The following PPP2R2C variants were observed in gnomAD, a reference collection of about 807,000 sequenced individuals.
The protein encoded by PPP2R2C is protein phosphatase 2 regulatory subunit Bgamma.
A neutral mutation model predicts 45.3 loss-of-function variants in PPP2R2C; 10 were observed. The ratio of observed to expected loss-of-function variants is 0.22; its 90% confidence interval spans 0.14 to 0.37. The LOEUF (loss-of-function observed/expected upper bound fraction) is 0.37. Ranked by LOEUF, PPP2R2C falls within the 10% of genes least tolerant of loss-of-function variation. PPP2R2C has a pLI of 1.00. For missense variants in PPP2R2C, 308 were observed against 619.7 expected (o/e 0.50, Z 5.34); for synonymous variants, 257 against 245.4 (o/e 1.05, Z -0.44).
intron 1 of PPP2R2C, among the ~76,000 whole-genome samples, chr4:6,415,124 C>T (rs868027746): frequency 2.6e-5 from 4 of 152,248 alleles, no homozygotes; most frequent in South Asian, 2.1e-4. Flanking sequence ...ACAGTGCATG[C>T]GCCTCGTCCG....
Position 6,383,377 on chromosome 4 carries a change from G to A in PPP2R2C, c.71-2283C>T, listed in dbSNP as rs73798219. ...TACTGTTGTATGCACGGGGTCTCGT[G>A]TTTTTAACTCAGCAAAAGGTACCTC... On this transcript the variant is annotated intron_variant, in intron 1 of 8. Transcript: ENST00000382599. 334 of 1,289,844 alleles carry A rather than the reference G, an allele frequency of 2.6e-4. 1 individual carries two copies. The African/African-American group carries it at 4.4e-3, about 17-fold the overall frequency. The allele number at this position is 1,289,844 out of a possible 1,614,324, so 79.9% of individuals were successfully genotyped here. A position where few individuals can be genotyped will look rare whatever the true frequency, so the allele number is the denominator to read the frequency against.
intron 2 of PPP2R2C, among the ~76,000 whole-genome samples, chr4:6,483,342 A>T (rs1722426578): frequency 6.6e-6 from 1 of 152,128 alleles, no homozygotes; most frequent in Admixed American, 6.5e-5. Flanking sequence ...TATTATAGAG[A>T]TCATATTCCA....
At position 6,515,984 on chromosome 4, in the gene PPP2R2C, C is replaced by T. The variant is rs943568252; in HGVS notation, c.49+19287G>A. On this transcript the variant is annotated intron_variant, in intron 2 of 9. Transcript: ENST00000506140. ...TCTCCTGTGTGTGTCATTGTGTCTC[C>T]TCTCCTCTTATTATAAGGACATCAG... Among the ~76,000 whole-genome samples the T allele has an allele frequency of 7.2e-5, 11 of 152,208 alleles. No homozygotes were observed. The East Asian group carries it at 1.2e-3, about 16-fold the overall frequency.
At chr4:6,375,691 C>T in intron 4 of PPP2R2C, 128 bp downstream of exon 4, 2 of 766,744 alleles carry the variant, frequency 2.6e-6, no homozygotes, top group South Asian at 3.5e-5. Context: ...CCCGTGGCCG[C>T]CCAGCAGCCA....
At chr4:6,407,992 A>C (rs1463677454) in intron 1 of PPP2R2C, among the ~76,000 whole-genome samples, 2 of 152,222 alleles carry the variant, frequency 1.3e-5, no homozygotes, top group Non-Finnish European at 2.9e-5. Context: ...ATTACTTTAG[A>C]TTGATTACAG....
At chr4:6,447,222 C>T (rs11736148) in intron 1 of PPP2R2C, among the ~76,000 whole-genome samples, 42,214 of 151,930 alleles carry the variant, frequency 0.28, 6,106 homozygotes, top group Admixed American at 0.38. Context: ...CAGCCACTCT[C>T]GGGTCGGTGC....
At chr4:6,468,774 C>T (rs1388543384) in intron 1 of PPP2R2C, among the ~76,000 whole-genome samples, 4 of 152,076 alleles carry the variant, frequency 2.6e-5, no homozygotes, top group Non-Finnish European at 4.4e-5. Context: ...GCTTATTCAA[C>T]TCACTCTAAA....
chr4:6,383,130 G>C, intron 1 of PPP2R2C: 3 of 1,143,874 alleles, frequency 2.6e-6, no homozygotes, highest in Non-Finnish European at 3.3e-6. Context: ...AAGGGGCTTA[G>C]GTACTGGGGG....
chr4:6,347,796 C>CCCCCCCG, intron 6 of PPP2R2C, 50 bp downstream of exon 6: 1 of 967,134 alleles, frequency 1.0e-6, no homozygotes, highest in Non-Finnish European at 1.5e-6. Context: ...ACATCCCACC[C>CCCCCCCG]GCCCGCCTGC....
intron 2 of PPP2R2C, among the ~76,000 whole-genome samples, chr4:6,513,012 G>A (rs1455619965): frequency 3.3e-5 from 5 of 152,020 alleles, no homozygotes; most frequent in African/African-American, 7.3e-5. Flanking sequence ...TGCATCTTGG[G>A]GAATTTTATT....
At chr4:6,450,223 G>A (rs1214182996) in intron 1 of PPP2R2C, among the ~76,000 whole-genome samples, 1 of 12,120 alleles carries the variant, frequency 8.3e-5, no homozygotes, top group African/African-American at 8.8e-5. Context: ...TCTATGGGGT[G>A]GAGTGGGGGG....
chr4:6,459,443 T>C (rs777515795), intron 1 of PPP2R2C, among the ~76,000 whole-genome samples: 1 of 152,202 alleles, frequency 6.6e-6, no homozygotes, highest in African/African-American at 2.4e-5. Flanking sequence ...GGGAGATCCA[T>C]GCTCAGCAGG....
chr4:6,416,440 C>G (rs1374742086), intron 1 of PPP2R2C, among the ~76,000 whole-genome samples: 3 of 152,194 alleles, frequency 2.0e-5, no homozygotes, highest in Non-Finnish European at 4.4e-5. Flanking sequence ...CTGCGGATGT[C>G]CCTCCCAGCT....
chr4:6,349,719 T>C (rs888357133), intron 5 of PPP2R2C: 22 of 682,930 alleles, frequency 3.2e-5, no homozygotes, highest in African/African-American at 8.0e-5. Context: ...CTGACCAACA[T>C]TGCAAAACCC....
At position 6,348,014 on chromosome 4, in the gene PPP2R2C, G is replaced by A. The variant is rs750037810; in HGVS notation, c.626-4C>T. On this transcript the variant is annotated splice_region_variant and splice_polypyrimidine_tract_variant and intron_variant, in intron 5 of 8. Transcript: ENST00000382599. ...GCCGGCTTGATGTCCACGATGTCTG[G>A]GGGCAGTGCGGTCAAGGAAGGGGCA... The A allele has an allele frequency of 2.5e-6, 4 of 1,613,426 alleles. No individual in the cohort carries two copies. Among genetic ancestry groups the A allele is most frequent in the Non-Finnish European group, 2.5e-6 (3 of 1,179,608 alleles).
At chr4:6,370,837 G>C (rs16838648) in intron 5 of PPP2R2C, among the ~76,000 whole-genome samples, 1 of 152,068 alleles carries the variant, frequency 6.6e-6, no homozygotes, top group African/African-American at 2.4e-5. Context: ...ATGTCCTTTC[G>C]GCTTCAGTGG....
At chr4:6,416,180 C>T (rs1329846262) in intron 1 of PPP2R2C, among the ~76,000 whole-genome samples, 2 of 78,096 alleles carry the variant, frequency 2.6e-5, no homozygotes, top group African/African-American at 8.3e-5. Context: ...AGGATAACAA[C>T]CTTCCATAAC....
intron 1 of PPP2R2C, among the ~76,000 whole-genome samples, chr4:6,452,677 T>A (rs1720801562): frequency 6.6e-6 from 1 of 152,212 alleles, no homozygotes; most frequent in Admixed American, 6.5e-5. Flanking sequence ...CAGAGAAGCA[T>A]CCCAGTTTGG....
chr4:6,444,306 T>C (rs920283468), intron 1 of PPP2R2C, among the ~76,000 whole-genome samples: 2 of 152,172 alleles, frequency 1.3e-5, no homozygotes, highest in African/African-American at 4.8e-5. Flanking sequence ...GCCAGACAGG[T>C]AGGCCTGGTG....
Sources: allele counts gnomAD v4.1 joint callset (sites outside exome capture counted in the v4.1 genomes callset), GRCh38; gene constraint gnomAD v4.1.1; transcripts MANE v1.5; gene names NCBI Gene and HGNC (gene_info 2026-07-23, HGNC 2026-07-21).